Variants in SEM1 observed in about 807,000 individuals in gnomAD.
SEM1 encodes 26S proteasome complex subunit SEM1.
SEM1 carries 3 observed loss-of-function variants against 12.7 expected under a neutral mutation model. The observed-to-expected ratio is 0.24, with a 90% CI of 0.11 to 0.61. The LOEUF (loss-of-function observed/expected upper bound fraction) is 0.61. Among genes scored for constraint, SEM1 ranks in the 20% least tolerant of loss-of-function variants. The pLI is 0.88. For missense variants in SEM1, 59 were observed against 81.3 expected (o/e 0.73, Z 1.06); for synonymous variants, 30 against 27.8 (o/e 1.08, Z -0.25).
rs1383224698 is a variant in SEM1 at position 96,531,127 on chromosome 7, A to G, written c.171-24429T>C. Among the ~76,000 whole-genome samples, 4 of 152,174 alleles carry G rather than the reference A, an allele frequency of 2.6e-5. No homozygotes were observed. In the East Asian group the frequency reaches 7.7e-4, roughly 29 times the overall value. ...GAGATATTATTATGGATGAAGTAAGACATAAGGGATAGAAAGATGACCATA... is the reference window on the plus strand; with the variant it reads ...GAGATATTATTATGGATGAAGTAAGGCATAAGGGATAGAAAGATGACCATA... On this transcript the variant is annotated intron_variant and NMD_transcript_variant, in intron 2 of 3. Transcript: ENST00000466986.
At chr7:96,519,937 C>A (rs1163882820) in intron 2 of SEM1, among the ~76,000 whole-genome samples, 1 of 152,002 alleles carries the variant, frequency 6.6e-6, no homozygotes, top group Non-Finnish European at 1.5e-5. Flanking sequence ...AAAGAAGGGG[C>A]CTCTTGATAG....
intron 2 of SEM1, among the ~76,000 whole-genome samples, chr7:96,520,735 A>G (rs929450714): frequency 6.6e-6 from 1 of 152,144 alleles, no homozygotes; most frequent in African/African-American, 2.4e-5. Flanking sequence ...ATAAAAGGGT[A>G]TGGTGTCTGT....
At chr7:96,599,371 C>A (rs1807118004) in intron 2 of SEM1, among the ~76,000 whole-genome samples, 1 of 152,062 alleles carries the variant, frequency 6.6e-6, no homozygotes, top group African/African-American at 2.4e-5. Flanking sequence ...CAAAACAAAA[C>A]CCAGAGTAAT....
At chr7:96,610,250 C>A (rs1366146954) in intron 2 of SEM1, among the ~76,000 whole-genome samples, 1 of 152,058 alleles carries the variant, frequency 6.6e-6, no homozygotes, top group Non-Finnish European at 1.5e-5. Context: ...CAGGTGCATG[C>A]CACCATGCCC....
chr7:96,501,077 G>C (rs117692748), upstream of SEM1, among the ~76,000 whole-genome samples: 1,494 of 152,176 alleles, frequency 9.8e-3, 20 homozygotes, highest in Middle Eastern at 0.027. Context: ...TCAATATCGT[G>C]ACAAGTTGGA....
intron 2 of SEM1, chr7:96,673,972 GCC>G: frequency 1.5e-6 from 1 of 658,462 alleles, no homozygotes; most frequent in Non-Finnish European, 2.8e-6. Context: ...CACCCCTTAT[GCC>G]CCAGTCCCAT....
At chr7:96,705,990 A>T (rs927897825) in intron 1 of SEM1, among the ~76,000 whole-genome samples, 3 of 152,120 alleles carry the variant, frequency 2.0e-5, no homozygotes, top group Non-Finnish European at 2.9e-5. Flanking sequence ...ATCAAAATCA[A>T]TCACACCCAG....
chr7:96,583,690 C>A (rs1044627811), intron 2 of SEM1, among the ~76,000 whole-genome samples: 1 of 150,564 alleles, frequency 6.6e-6, no homozygotes, highest in Non-Finnish European at 1.5e-5. Flanking sequence ...GGATGGTTAG[C>A]TCTTCTTGTT....
intron 2 of SEM1, among the ~76,000 whole-genome samples, chr7:96,506,973 G>A (rs1453373694): frequency 6.6e-6 from 1 of 151,970 alleles, no homozygotes; most frequent in African/African-American, 2.4e-5. Flanking sequence ...TACCTCTTAG[G>A]AAAGAGATAG....
At chr7:96,541,443 G>GTTTTTTTTTTTTTTTTTTTTTTTTT (rs61049763) in intron 2 of SEM1, among the ~76,000 whole-genome samples, 1 of 102,410 alleles carries the variant, frequency 9.8e-6, no homozygotes, top group African/African-American at 3.8e-5. Context: ...TTTTTTTTTT[G>GTTTTTTTTTTTTTTTTTTTTTTTTT]TTTTTTTTTT....
chr7:96,685,520 A>C (rs1397712814), downstream of SEM1, among the ~76,000 whole-genome samples: 1 of 152,024 alleles, frequency 6.6e-6, no homozygotes, highest in Admixed American at 6.6e-5. Flanking sequence ...GAGAAACCCT[A>C]AGTTGTGCAG....
intron 2 of SEM1, among the ~76,000 whole-genome samples, chr7:96,562,920 T>G (rs551967920): frequency 3.2e-4 from 49 of 152,304 alleles, no homozygotes; most frequent in African/African-American, 1.2e-3. Context: ...ACTAGAGGAC[T>G]TTGCAAGCTA....
chr7:96,641,954 T>C (rs772771220), intron 2 of SEM1, among the ~76,000 whole-genome samples: 5 of 151,996 alleles, frequency 3.3e-5, no homozygotes, highest in Non-Finnish European at 7.4e-5. Flanking sequence ...AAAGAAAGCA[T>C]TGACGGAAAT....
intron 2 of SEM1, among the ~76,000 whole-genome samples, chr7:96,614,611 A>G (rs1354432052): frequency 6.6e-6 from 1 of 152,226 alleles, no homozygotes; most frequent in Non-Finnish European, 1.5e-5. Flanking sequence ...CGTTTCTTGA[A>G]CAGAGAAGCA....
intron 2 of SEM1, among the ~76,000 whole-genome samples, chr7:96,545,387 A>C (rs1390156824): frequency 6.6e-6 from 1 of 152,016 alleles, no homozygotes; most frequent in Non-Finnish European, 1.5e-5. Context: ...ACGCCAAAGG[A>C]ATTGAGAGAA....
chr7:96,603,248 A>G (rs1807245528), intron 2 of SEM1, among the ~76,000 whole-genome samples: 1 of 152,190 alleles, frequency 6.6e-6, no homozygotes, highest in Non-Finnish European at 1.5e-5. Context: ...TTGGTCTTAA[A>G]GGCAATGATA....
chr7:96,705,553 C>T (rs1041738624), intron 1 of SEM1, among the ~76,000 whole-genome samples: 4 of 151,994 alleles, frequency 2.6e-5, no homozygotes, highest in African/African-American at 9.7e-5. Context: ...TTAGGCTGGG[C>T]GCGGTGGCTC....
chr7:96,489,023 T>C (rs977606289), intron 1 of SEM1, among the ~76,000 whole-genome samples: 4 of 152,122 alleles, frequency 2.6e-5, no homozygotes, highest in African/African-American at 9.7e-5. Flanking sequence ...ACCTGAATAG[T>C]AACAAAATTG....
chr7:96,524,208 G>A (rs1804373603), intron 2 of SEM1, among the ~76,000 whole-genome samples: 1 of 151,938 alleles, frequency 6.6e-6, no homozygotes, highest in African/African-American at 2.4e-5. Flanking sequence ...TTCTACATCC[G>A]CCATTTCATA....
Sources: gnomAD v4.1 joint callset for allele counts (sites outside exome capture counted in the v4.1 genomes callset) on GRCh38, gnomAD v4.1.1 for gene constraint, MANE v1.5 for transcripts, NCBI Gene and HGNC (gene_info 2026-07-23, HGNC 2026-07-21) for gene names.